The following SORCS2 variants were observed in gnomAD, a reference collection of about 807,000 sequenced individuals.
The protein encoded by SORCS2 is VPS10 domain-containing receptor SorCS2.
Under a neutral mutation model 141.6 loss-of-function variants are expected in SORCS2, and 100 were observed. The ratio of observed to expected loss-of-function variants is 0.71; its 90% CI spans 0.60 to 0.83. SORCS2 has a LOEUF of 0.83. Among genes scored for constraint, SORCS2 ranks in the 40% least tolerant of loss-of-function variants. The probability of loss-of-function intolerance (pLI) is 0.00; values close to 1 mark genes in which losing one functional copy is unlikely to be tolerated. For synonymous variants in SORCS2, 789 were observed against 676.9 expected (o/e 1.17, Z -2.57); for missense variants, 1,646 against 1,560.2 (o/e 1.05, Z -0.93).
At chr4:7,551,139 C>G in intron 3 of SORCS2, among the ~76,000 whole-genome samples, 1 of 152,212 alleles carries the variant, frequency 6.6e-6, no homozygotes, top group Admixed American at 6.5e-5. Flanking sequence ...TATGCTGGAG[C>G]TGTATTTTCC....
chr4:7,535,462 G>A (rs1212378817), intron 3 of SORCS2, among the ~76,000 whole-genome samples: 3 of 152,178 alleles, frequency 2.0e-5, no homozygotes, highest in South Asian at 2.1e-4. Flanking sequence ...TAGCCTACCC[G>A]CTCTGAGACC....
Position 7,718,109 on chromosome 4 carries a change from C to A in SORCS2, c.2350C>A (p.Gln784Lys). ...CCCCCTCACGCCGCCCCGGGGCCTG[C>A]AGGTCAGCATTCAAGGCGAGGCGGT... The part of the protein sequence containing the change: ...QCPLTPPRGL[Q>K]VSIQGEAVAV... Residue 784 changes from glutamine (Q) to lysine (K), a missense_variant, in exon 18 of 27, where the codon CAG becomes AAG. Transcript: ENST00000507866. 1 of 1,611,918 alleles carries A rather than the reference C, an allele frequency of 6.2e-7. No homozygotes were observed.
At chr4:7,417,961 G>C (rs1388365967) in intron 2 of SORCS2, among the ~76,000 whole-genome samples, 4 of 152,196 alleles carry the variant, frequency 2.6e-5, no homozygotes, top group African/African-American at 9.6e-5. Context: ...GGCTAGAGGG[G>C]CCCTGGGGTC....
intron 1 of SORCS2, among the ~76,000 whole-genome samples, chr4:7,328,325 C>CG (rs1719419299): frequency 6.6e-6 from 1 of 151,658 alleles, no homozygotes; most frequent in Admixed American, 6.6e-5. Context: ...CATGAGCCAC[C>CG]GCACCCGGCC....
chr4:7,507,644 C>T (rs748912164), intron 2 of SORCS2, among the ~76,000 whole-genome samples: 3 of 152,270 alleles, frequency 2.0e-5, no homozygotes, highest in East Asian at 3.9e-4. Flanking sequence ...CACTCAGCAC[C>T]GTGACACACA....
At chr4:7,246,723 T>C (rs1713123089) in intron 1 of SORCS2, among the ~76,000 whole-genome samples, 1 of 152,212 alleles carries the variant, frequency 6.6e-6, no homozygotes, top group Admixed American at 6.5e-5. Flanking sequence ...ATCTGCACTC[T>C]GAGATCCGAG....
intron 24 of SORCS2, among the ~76,000 whole-genome samples, chr4:7,733,855 G>C (rs1194759474): frequency 6.6e-6 from 1 of 152,190 alleles, no homozygotes; most frequent in Non-Finnish European, 1.5e-5. Flanking sequence ...TCCCCAGTGG[G>C]AGCCAGGTCA....
intron 1 of SORCS2, among the ~76,000 whole-genome samples, chr4:7,199,586 T>C (rs533574225): frequency 2.0e-5 from 3 of 151,984 alleles, no homozygotes; most frequent in Admixed American, 6.5e-5. Context: ...GTTGCTGTGG[T>C]CTGGCCTTCA....
intron 8 of SORCS2, among the ~76,000 whole-genome samples, chr4:7,670,597 G>A (rs1258149035): frequency 6.6e-5 from 10 of 152,182 alleles, no homozygotes; most frequent in Non-Finnish European, 8.8e-5. Context: ...AGAAGGCAAC[G>A]ACACGGGCAG....
intron 1 of SORCS2, among the ~76,000 whole-genome samples, chr4:7,289,124 T>C (rs1716442329): frequency 1.3e-5 from 2 of 152,186 alleles, no homozygotes; most frequent in African/African-American, 4.8e-5. Flanking sequence ...AGGTGACATA[T>C]GGATATCTGT....
chr4:7,502,796 C>T (rs74816466), intron 2 of SORCS2, among the ~76,000 whole-genome samples: 4 of 42,438 alleles, frequency 9.4e-5, no homozygotes, highest in East Asian at 0.028. Flanking sequence ...GCAGGGAAGC[C>T]GGCCTTGCCC....
rs1375773440 is a variant in SORCS2 at position 7,734,253 on chromosome 4, A to G, written c.3209-19A>G. 6.4e-7 allele frequency: 1 copy of G among 1,574,026 alleles called. No homozygotes were observed. Among genetic ancestry groups the G allele is most frequent in the Admixed American group, 1.8e-5 (1 of 55,440 alleles). On this transcript the variant is annotated intron_variant, in intron 24 of 26. Coordinates refer to ENST00000507866, the MANE Select transcript of SORCS2 (RefSeq NM_020777.3). Reference sequence around the variant, plus strand: ...GGGCGGTGCCCGAGGTCCTCCACTGACAACCGCTTTGCTTGCAGGTGCTGA... The same window carrying G: ...GGGCGGTGCCCGAGGTCCTCCACTGGCAACCGCTTTGCTTGCAGGTGCTGA...
At chr4:7,380,820 T>C (rs546757654) in intron 1 of SORCS2, among the ~76,000 whole-genome samples, 2 of 152,364 alleles carry the variant, frequency 1.3e-5, no homozygotes, top group Non-Finnish European at 2.9e-5. Flanking sequence ...GTGCGGTGGC[T>C]CACGCCTGTA....
intron 12 of SORCS2, among the ~76,000 whole-genome samples, chr4:7,702,833 C>A (rs1193168638): frequency 6.6e-6 from 1 of 152,228 alleles, no homozygotes; most frequent in African/African-American, 2.4e-5. Flanking sequence ...GAGGCCACTC[C>A]CCACTCAGTC....
chr4:7,734,170 G>T, intron 24 of SORCS2, 102 bp from the exon 25 acceptor site: 2 of 803,256 alleles, frequency 2.5e-6, no homozygotes, highest in South Asian at 1.7e-5. Context: ...GGATGGGCGG[G>T]GGACAGGCTG....
chr4:7,398,247 C>G (rs760262563), intron 2 of SORCS2, among the ~76,000 whole-genome samples: 1 of 152,186 alleles, frequency 6.6e-6, no homozygotes, highest in Non-Finnish European at 1.5e-5. Flanking sequence ...TCCTCAGAAG[C>G]AGGTGGCAGC....
chr4:7,380,977 G>A (rs1722955016), intron 1 of SORCS2, among the ~76,000 whole-genome samples: 1 of 151,914 alleles, frequency 6.6e-6, no homozygotes, highest in African/African-American at 2.4e-5. Flanking sequence ...AGCTACTCGG[G>A]AGGCTGAGGC....
Position 7,201,724 on chromosome 4 carries a change from AG to A in SORCS2, c.480+8600del, listed in dbSNP as rs1367043652. On this transcript the variant is annotated intron_variant, in intron 1 of 26. Transcript: ENST00000507866. The surrounding 1 kb of genome is among the most constrained non-coding windows in gnomAD (Gnocchi z 4.4). Reference sequence around the variant, plus strand: ...AGACTCCAAAGGATGAGTTATTTATAGGTTCTTACGAATGGCCCACTTTGTC... The same window carrying A: ...AGACTCCAAAGGATGAGTTATTTATAGTTCTTACGAATGGCCCACTTTGTC... Among the ~76,000 whole-genome samples the A allele has an allele frequency of 1.3e-5, 2 of 152,130 alleles. No homozygotes were observed. The highest frequency in any genetic ancestry group is 4.8e-5 in the African/African-American group (2 of 41,428).
intron 3 of SORCS2, among the ~76,000 whole-genome samples, chr4:7,585,553 C>T (rs182384101): frequency 6.6e-6 from 1 of 152,340 alleles, no homozygotes; most frequent in Non-Finnish European, 1.5e-5. Flanking sequence ...CAGGATATCT[C>T]TCGTCTACCA....
Sources: gnomAD v4.1 joint callset for allele counts (sites outside exome capture counted in the v4.1 genomes callset) on GRCh38, gnomAD v4.1.1 for gene constraint, Gnocchi (gnomAD v3.1) non-coding constraint, MANE v1.5 for transcripts, NCBI Gene and HGNC (gene_info 2026-07-23, HGNC 2026-07-21) for gene names.